The following NRP2 variants were observed in gnomAD, a reference collection of about 807,000 sequenced individuals.
The protein encoded by NRP2 is neuropilin 2.
Under a neutral mutation model 110.4 loss-of-function variants are expected in NRP2, and 52 were observed. The ratio of observed to expected loss-of-function variants is 0.47; its 90% CI spans 0.38 to 0.59. The LOEUF is 0.59. Ranked by LOEUF, NRP2 falls within the 20% of genes least tolerant of loss-of-function variation. NRP2 has a pLI of 0.00. For missense variants in NRP2, 1,049 were observed against 1,203.0 expected (o/e 0.87, Z 1.89); for synonymous variants, 508 against 468.9 (o/e 1.08, Z -1.08).
At chr2:205,791,918 C>T (rs1559371334) in intron 15 of NRP2, among the ~76,000 whole-genome samples, 1 of 152,146 alleles carries the variant, frequency 6.6e-6, no homozygotes, top group African/African-American at 2.4e-5. Context: ...CATAAGATGC[C>T]ATTGAAGGTG....
At chr2:205,785,220 C>T (rs2058222883) in intron 15 of NRP2, among the ~76,000 whole-genome samples, 1 of 152,206 alleles carries the variant, frequency 6.6e-6, no homozygotes, top group African/African-American at 2.4e-5. Context: ...ACTCCATTTT[C>T]TCACTTGTCC....
intron 11 of NRP2, 166 bp from the exon 12 acceptor site, chr2:205,752,669 C>T: frequency 2.8e-6 from 2 of 723,504 alleles, no homozygotes; most frequent in Non-Finnish European, 4.7e-6. Context: ...AAAGCCTGAC[C>T]CGAAAGCCAG....
At chr2:205,765,680 G>A (rs1422790118) in intron 14 of NRP2, 110 bp downstream of exon 14, 2 of 927,382 alleles carry the variant, frequency 2.2e-6, no homozygotes, top group Non-Finnish European at 3.5e-6. Context: ...CCCAGTGGGT[G>A]GGGCAGCCAC....
At chr2:205,693,365 G>A (rs1342736739) in intron 1 of NRP2, among the ~76,000 whole-genome samples, 1 of 152,052 alleles carries the variant, frequency 6.6e-6, no homozygotes, top group Non-Finnish European at 1.5e-5. Flanking sequence ...CATGTTCCAG[G>A]AAGCCCCAGT....
At chr2:205,683,495 C>T in intron 1 of NRP2, 132 bp downstream of exon 1, 1 of 714,460 alleles carries the variant, frequency 1.4e-6, no homozygotes, top group Non-Finnish European at 2.5e-6. Flanking sequence ...AAGAGAGATC[C>T]CAGCCGGCCC....
rs2058358011 is a variant in NRP2 at position 205,797,097 on chromosome 2, A to G, written c.*2039A>G. ...GTATGTGAATGGTCATGTGGGACTCAGTGGTGGTGTTGTGACTTTGACCTA... is the reference window on the plus strand; with the variant it reads ...GTATGTGAATGGTCATGTGGGACTCGGTGGTGGTGTTGTGACTTTGACCTA... On this transcript the variant is annotated 3_prime_UTR_variant, in exon 17 of 17. Transcript: ENST00000357785. 6.6e-6 allele frequency: 1 copy of G among 152,654 alleles called. No homozygotes were observed. Among genetic ancestry groups the G allele is most frequent in the African/African-American group, 2.4e-5 (1 of 41,418 alleles). 9.5% of individuals were successfully genotyped at this position (152,654 alleles called of 1,614,324 possible). A position where few individuals can be genotyped will look rare whatever the true frequency, so the allele number is the denominator to read the frequency against.
intron 12 of NRP2, among the ~76,000 whole-genome samples, chr2:205,754,924 A>T (rs2057710102): frequency 6.6e-6 from 1 of 152,114 alleles, no homozygotes; most frequent in Non-Finnish European, 1.5e-5. Flanking sequence ...GTCTGTCCTC[A>T]GGTTCATTCT....
At chr2:205,683,683 T>G (rs1248094172) in intron 1 of NRP2, among the ~76,000 whole-genome samples, 3 of 152,234 alleles carry the variant, frequency 2.0e-5, no homozygotes, top group South Asian at 4.1e-4. Context: ...TTACAGTTTT[T>G]GGGAATTTTT....
At chr2:205,765,361 C>CAT (rs72342754) in intron 13 of NRP2, 113 bp from the exon 14 acceptor site, 1 of 852,046 alleles carries the variant, frequency 1.2e-6, no homozygotes, top group Non-Finnish European at 2.0e-6. Context: ...CACACACACA[C>CAT]ACACACATAC....
chr2:205,687,480 G>A (rs775928702), intron 1 of NRP2, among the ~76,000 whole-genome samples: 2 of 152,152 alleles, frequency 1.3e-5, no homozygotes, highest in African/African-American at 2.4e-5. Context: ...GGAAGCTGTG[G>A]CCAGTTGCCA....
At chr2:205,745,078 A>G (rs572396382) in intron 9 of NRP2, among the ~76,000 whole-genome samples, 12 of 152,252 alleles carry the variant, frequency 7.9e-5, no homozygotes, top group Non-Finnish European at 1.6e-4. Context: ...AGTGTCTCCA[A>G]GTGTACTCTA....
chr2:205,711,042 G>T (rs1192256454), intron 2 of NRP2, among the ~76,000 whole-genome samples: 1 of 152,192 alleles, frequency 6.6e-6, no homozygotes, highest in Non-Finnish European at 1.5e-5. Context: ...CAACATTTTG[G>T]TTTTCAGATA....
intron 7 of NRP2, 59 bp downstream of exon 7, chr2:205,728,105 G>C: frequency 6.2e-7 from 1 of 1,607,266 alleles, no homozygotes; most frequent in Non-Finnish European, 8.5e-7. Flanking sequence ...GATGGGATCA[G>C]GGGAGCTTTA....
intron 12 of NRP2, among the ~76,000 whole-genome samples, 172 bp downstream of exon 12, chr2:205,753,147 G>A (rs1287343896): frequency 6.6e-6 from 1 of 152,224 alleles, no homozygotes; most frequent in Admixed American, 6.5e-5. Flanking sequence ...AGAATAGCCA[G>A]TTGGTGGTTC....
chr2:205,747,035 C>T (rs1250490491), intron 10 of NRP2, among the ~76,000 whole-genome samples: 1 of 152,174 alleles, frequency 6.6e-6, no homozygotes, highest in Non-Finnish European at 1.5e-5. Flanking sequence ...CACCCGTCCT[C>T]TCACAGGTGC....
chr2:205,790,940 C>G (rs138193389), intron 15 of NRP2, among the ~76,000 whole-genome samples: 12 of 152,270 alleles, frequency 7.9e-5, no homozygotes, highest in African/African-American at 2.9e-4. Context: ...GGGGTCTTGG[C>G]AAGTTGTTTT....
intron 1 of NRP2, among the ~76,000 whole-genome samples, chr2:205,693,954 C>A (rs925222314): frequency 6.6e-6 from 1 of 152,244 alleles, no homozygotes; most frequent in Non-Finnish European, 1.5e-5. Context: ...TCCTTTAAAA[C>A]AATGCCAACT....
chr2:205,745,123 A>G (rs887593258), intron 9 of NRP2, among the ~76,000 whole-genome samples: 6 of 152,124 alleles, frequency 3.9e-5, no homozygotes, highest in Non-Finnish European at 8.8e-5. Context: ...TGCTCCCCGC[A>G]TCATCAGTTT....
chr2:205,792,407 T>G, intron 16 of NRP2, 122 bp downstream of exon 16: 1 of 722,230 alleles, frequency 1.4e-6, no homozygotes, highest in South Asian at 1.6e-5. Context: ...CAGAAATATA[T>G]AAAAGAATCT....
Sources: allele counts gnomAD v4.1 joint callset (sites outside exome capture counted in the v4.1 genomes callset), GRCh38; gene constraint gnomAD v4.1.1; transcripts MANE v1.5; gene names NCBI Gene and HGNC (gene_info 2026-07-23, HGNC 2026-07-21).